DIP2B: variants seen among roughly 807,000 people sequenced by gnomAD.
The protein encoded by DIP2B is DIP2 acetate--CoA ligase B (putative), also known as disco-interacting protein 2 homolog B.
DIP2B carries 76 observed loss-of-function variants against 198.0 expected under a neutral mutation model. The observed-to-expected ratio is 0.38, with a 90% CI of 0.32 to 0.46. The LOEUF (loss-of-function observed/expected upper bound fraction) is 0.46. DIP2B is among the 20% of genes least tolerant of loss of function. DIP2B has a pLI of 0.99. For missense variants in DIP2B, 1,559 were observed against 1,978.4 expected (o/e 0.79, Z 4.02); for synonymous variants, 701 against 739.1 (o/e 0.95, Z 0.84).
intron 1 of DIP2B, among the ~76,000 whole-genome samples, chr12:50,524,958 T>C (rs759937295): frequency 1.4e-4 from 21 of 152,178 alleles, no homozygotes; most frequent in Non-Finnish European, 2.6e-4. Context: ...ATTCTTGGGC[T>C]CGAGCAATCC....
chr12:50,536,476 G>A (rs1958268500), intron 1 of DIP2B, among the ~76,000 whole-genome samples: 1 of 152,042 alleles, frequency 6.6e-6, no homozygotes, highest in Admixed American at 6.6e-5. Flanking sequence ...ATCAATTCAT[G>A]TATAGTGAGA....
intron 1 of DIP2B, among the ~76,000 whole-genome samples, chr12:50,588,611 C>T (rs980073747): frequency 5.3e-5 from 8 of 152,174 alleles, no homozygotes; most frequent in Non-Finnish European, 8.8e-5. Flanking sequence ...TTTCTCTCCC[C>T]TTGGTTTGGG....
chr12:50,725,224 A>G (rs183723618), intron 28 of DIP2B, among the ~76,000 whole-genome samples: 21 of 152,274 alleles, frequency 1.4e-4, no homozygotes, highest in Admixed American at 1.3e-3. Context: ...TCGAGATGTG[A>G]TATTGTTGAA....
At chr12:50,516,265 A>ATCTCTG (rs1191739018) in intron 1 of DIP2B, among the ~76,000 whole-genome samples, 87 of 139,732 alleles carry the variant, frequency 6.2e-4, no homozygotes, top group Non-Finnish European at 1.2e-3. Flanking sequence ...CTCTATCTCT[A>ATCTCTG]TCTCTATATC....
intron 1 of DIP2B, among the ~76,000 whole-genome samples, chr12:50,507,498 C>A (rs1957978117): frequency 6.6e-6 from 1 of 152,190 alleles, no homozygotes; most frequent in Admixed American, 6.6e-5. Context: ...ATTTTCTCTA[C>A]AGTTACTCTG....
At chr12:50,650,655 A>G (rs2684895) in intron 3 of DIP2B, among the ~76,000 whole-genome samples, 145,738 of 152,284 alleles carry the variant, frequency 0.96, 70,078 homozygotes, top group East Asian at 1. Context: ...TTTTTTTAAG[A>G]CTGAATAATA....
chr12:50,569,410 C>T (rs1309327609), intron 1 of DIP2B, among the ~76,000 whole-genome samples: 3 of 152,270 alleles, frequency 2.0e-5, no homozygotes, highest in South Asian at 2.1e-4. Context: ...AACCCAGGGG[C>T]GTGTTATGTG....
intron 1 of DIP2B, among the ~76,000 whole-genome samples, chr12:50,582,740 A>G (rs1958736754): frequency 6.6e-6 from 1 of 152,092 alleles, no homozygotes; most frequent in Admixed American, 6.6e-5. Flanking sequence ...CACCCTCCCC[A>G]GCCTCCAGTT....
chr12:50,572,246 C>T (rs1958621179), intron 1 of DIP2B, among the ~76,000 whole-genome samples: 1 of 152,182 alleles, frequency 6.6e-6, no homozygotes, highest in South Asian at 2.1e-4. Context: ...ATATTATCCC[C>T]AGACTAAGAC....
At chr12:50,615,030 C>T (rs1937671053) in intron 1 of DIP2B, among the ~76,000 whole-genome samples, 1 of 152,142 alleles carries the variant, frequency 6.6e-6, no homozygotes. Context: ...TAAAGAATGC[C>T]TGGCACATGC....
At chr12:50,678,648 C>A (rs76646033) in intron 7 of DIP2B, 31 bp from the exon 8 acceptor site, 1 of 1,601,766 alleles carries the variant, frequency 6.2e-7, no homozygotes, top group Admixed American at 1.7e-5. Context: ...TATTTGTACT[C>A]ATTTCACTCA....
chr12:50,683,320 A>G, intron 10 of DIP2B, 72 bp downstream of exon 10: 1 of 1,251,412 alleles, frequency 8.0e-7, no homozygotes, highest in Non-Finnish European at 1.1e-6. Context: ...GGATAGATGT[A>G]GTCACAACAG....
intron 1 of DIP2B, among the ~76,000 whole-genome samples, chr12:50,602,059 C>A (rs1412551617): frequency 6.6e-6 from 1 of 152,166 alleles, no homozygotes; most frequent in Non-Finnish European, 1.5e-5. Flanking sequence ...TTTTGGAAGT[C>A]CCGCTTGTCA....
At chr12:50,614,832 A>G (rs1483362165) in intron 1 of DIP2B, among the ~76,000 whole-genome samples, 1 of 152,204 alleles carries the variant, frequency 6.6e-6, no homozygotes, top group Non-Finnish European at 1.5e-5. Context: ...TGCTTTTGCG[A>G]TCCCCATGCT....
chr12:50,509,173 C>T (rs931721144), intron 1 of DIP2B, among the ~76,000 whole-genome samples: 4 of 152,106 alleles, frequency 2.6e-5, no homozygotes, highest in African/African-American at 4.8e-5. Context: ...TTGAAAACTG[C>T]CAACAAAACA....
At chr12:50,568,949 A>AT (rs199552190) in intron 1 of DIP2B, among the ~76,000 whole-genome samples, 60 of 145,814 alleles carry the variant, frequency 4.1e-4, no homozygotes, top group East Asian at 1.6e-3. Context: ...TTTATTCATC[A>AT]TTTTTTTTTT....
chr12:50,621,681 A>C (rs1937813412), intron 1 of DIP2B, among the ~76,000 whole-genome samples: 1 of 152,218 alleles, frequency 6.6e-6, no homozygotes, highest in South Asian at 2.1e-4. Context: ...ATATGTATGC[A>C]GATTTGTAGG....
chr12:50,607,856 C>T lies in DIP2B; in HGVS notation c.101-18120C>T, dbSNP rs184896158. On this transcript the variant is annotated intron_variant, in intron 1 of 37. Transcript: ENST00000301180. ...TCACCCAGGCTGGAGTGCAGTGGCA[C>T]GATCTCGGCTCACTGCAACCTCTGC... 2.3e-3 allele frequency among the ~76,000 whole-genome samples: 357 copies of T among 152,268 alleles called. 2 individuals carry two copies. Among genetic ancestry groups the T allele is most frequent in the African/African-American group, 8.0e-3 (332 of 41,554 alleles).
chr12:50,618,094 A>G (rs923000230), intron 1 of DIP2B, among the ~76,000 whole-genome samples: 3 of 152,216 alleles, frequency 2.0e-5, no homozygotes, highest in Admixed American at 1.3e-4. Flanking sequence ...TCTTGTTCTC[A>G]TGAAGGTAAT....
Sources: gnomAD v4.1 joint callset for allele counts (sites outside exome capture counted in the v4.1 genomes callset) on GRCh38, gnomAD v4.1.1 for gene constraint, MANE v1.5 for transcripts, NCBI Gene and HGNC (gene_info 2026-07-23, HGNC 2026-07-21) for gene names.